ME1: variants seen among roughly 807,000 people sequenced by gnomAD.
The protein encoded by ME1 is malic enzyme 1, also known as NADP-dependent malic enzyme.
A neutral mutation model predicts 66.4 loss-of-function variants in ME1; 74 were observed. That is an observed-to-expected ratio of 1.11 (90% CI 0.92 to 1.35). ME1 has a LOEUF of 1.35. Among genes scored for constraint, ME1 ranks in the 40% most tolerant of loss-of-function variants. The pLI is 0.00. For missense variants in ME1, 750 were observed against 694.1 expected, an observed-to-expected ratio of 1.08 and a Z score of -0.90; for synonymous variants, 251 against 235.6, an observed-to-expected ratio of 1.07 and a Z score of -0.60.
chr6:83,223,721 A>AT, intron 12 of ME1, 39 bp downstream of exon 12: 1 of 1,588,864 alleles, frequency 6.3e-7, no homozygotes, highest in Non-Finnish European at 8.6e-7. Flanking sequence ...CACACTTGGT[A>AT]TTTTAAACCC....
intron 4 of ME1, among the ~76,000 whole-genome samples, chr6:83,347,371 G>A (rs1312545332): frequency 6.6e-6 from 1 of 152,140 alleles, no homozygotes; most frequent in Non-Finnish European, 1.5e-5. Context: ...ATTCATGTCA[G>A]TTATATGAAT....
At chr6:83,396,358 CAAT>C (rs1290796207) in intron 3 of ME1, among the ~76,000 whole-genome samples, 1 of 151,698 alleles carries the variant, frequency 6.6e-6, no homozygotes, top group Non-Finnish European at 1.5e-5. Flanking sequence ...TGTCTCAAAA[CAAT>C]AATAATAATA....
intron 11 of ME1, among the ~76,000 whole-genome samples, chr6:83,224,701 A>AT (rs1790156075): frequency 1.7e-5 from 2 of 120,310 alleles, no homozygotes; most frequent in South Asian, 2.6e-4. Flanking sequence ...AAAAAAATAA[A>AT]AATAATAATA....
intron 6 of ME1, among the ~76,000 whole-genome samples, chr6:83,286,278 T>C (rs1053488743): frequency 6.6e-6 from 1 of 152,184 alleles, no homozygotes; most frequent in African/African-American, 2.4e-5. Context: ...ATAAAAATAA[T>C]TTAAAGCATT....
At chr6:83,308,367 GT>G (rs1364177151) in intron 6 of ME1, among the ~76,000 whole-genome samples, 2 of 151,096 alleles carry the variant, frequency 1.3e-5, no homozygotes, top group Non-Finnish European at 2.9e-5. Context: ...TAAAGCTTTT[GT>G]TCTCATTTAG....
At chr6:83,393,695 T>C (rs890662537) in intron 3 of ME1, among the ~76,000 whole-genome samples, 2 of 152,168 alleles carry the variant, frequency 1.3e-5, no homozygotes, top group Admixed American at 1.3e-4. Flanking sequence ...ACATTTATCA[T>C]TGTTAGTACT....
intron 3 of ME1, among the ~76,000 whole-genome samples, chr6:83,397,856 G>A (rs1439173812): frequency 6.6e-6 from 1 of 152,138 alleles, no homozygotes; most frequent in African/African-American, 2.4e-5. Context: ...AGGATATTAC[G>A]TTAAGTGAAA....
At chr6:83,253,843 A>G (rs1790762700) in intron 6 of ME1, 105 bp from the exon 7 acceptor site, 1 of 607,402 alleles carries the variant, frequency 1.6e-6, no homozygotes, top group Admixed American at 2.7e-5. Flanking sequence ...TTTCCTTTTA[A>G]AGGTTCTATC....
intron 6 of ME1, among the ~76,000 whole-genome samples, chr6:83,271,183 T>C (rs1392691827): frequency 1.3e-5 from 2 of 152,172 alleles, no homozygotes; most frequent in East Asian, 1.9e-4. Flanking sequence ...ACTAACTCTT[T>C]TCAAAGATAG....
intron 2 of ME1, among the ~76,000 whole-genome samples, chr6:83,405,722 G>GT (rs1245020714): frequency 0.033 from 4,184 of 126,164 alleles, 261 homozygotes; most frequent in African/African-American, 0.1. Context: ...TGTTGTTGTT[G>GT]TTTTTTTTTT....
At chr6:83,277,613 G>A (rs1767207215) in intron 6 of ME1, among the ~76,000 whole-genome samples, 1 of 152,056 alleles carries the variant, frequency 6.6e-6, no homozygotes, top group Non-Finnish European at 1.5e-5. Context: ...ACAAAAATAA[G>A]ATTTGGGGCC....
chr6:83,418,754 T>G (rs1770208073), intron 1 of ME1, among the ~76,000 whole-genome samples: 1 of 152,106 alleles, frequency 6.6e-6, no homozygotes, highest in South Asian at 2.1e-4. Flanking sequence ...GCTTACAATA[T>G]AAAGAGCTTA....
chr6:83,222,166 C>T (rs1232113615), intron 12 of ME1, among the ~76,000 whole-genome samples: 1 of 152,184 alleles, frequency 6.6e-6, no homozygotes, highest in Non-Finnish European at 1.5e-5. Flanking sequence ...ACAATGATTA[C>T]ATTTTCCTTA....
At chr6:83,414,173 C>T (rs941216222) in intron 1 of ME1, among the ~76,000 whole-genome samples, 1 of 150,526 alleles carries the variant, frequency 6.6e-6, no homozygotes, top group African/African-American at 2.4e-5. Context: ...ACCTCATTTC[C>T]CCCCCAAAAA....
chr6:83,321,260 GT>G (rs1023663075), intron 5 of ME1, among the ~76,000 whole-genome samples: 4 of 152,016 alleles, frequency 2.6e-5, no homozygotes, highest in Admixed American at 6.6e-5. Context: ...AGCTGCAGGA[GT>G]TTTTTTTCCA....
In ME1 at chr6:83,398,384, C is replaced by T. The variant is rs539171089; in HGVS notation, c.345G>A (p.Leu115=). The change falls in exon 3 of 14, where the codon TTG becomes TTA. Residue 115 remains leucine (L), a synonymous_variant. Coordinates refer to ENST00000369705, the MANE Select transcript of ME1 (RefSeq NM_002395.6). ...TGACATACCTTGGCTTCCGAAACACCAAACTATATTGTTGGCAAGCCAGAC... is the reference window on the plus strand; with the variant it reads ...TGACATACCTTGGCTTCCGAAACACTAAACTATATTGTTGGCAAGCCAGAC... ...TVGLACQQYS[L]VFRKPRGLFI... 2 of 1,577,738 alleles carry T rather than the reference C, an allele frequency of 1.3e-6. No homozygotes were observed. Among genetic ancestry groups the T allele is most frequent in the Admixed American group, 1.9e-5 (1 of 52,486 alleles).
intron 6 of ME1, among the ~76,000 whole-genome samples, chr6:83,300,973 A>G (rs1356679257): frequency 1.3e-5 from 2 of 152,026 alleles, no homozygotes; most frequent in African/African-American, 4.8e-5. Flanking sequence ...GCGTGTTCTC[A>G]CTCATAGGTA....
intron 3 of ME1, among the ~76,000 whole-genome samples, chr6:83,361,878 A>C (rs1331973777): frequency 6.6e-6 from 1 of 152,186 alleles, no homozygotes; most frequent in Admixed American, 6.5e-5. Context: ...TCCTGAAGGC[A>C]CAAGTAAGTT....
In ME1 at chr6:83,315,430, C is replaced by A. The variant is rs773260925; in HGVS notation, c.601-17G>T. 1 of 1,416,486 alleles carries A rather than the reference C, an allele frequency of 7.1e-7. No homozygotes were observed. Among genetic ancestry groups the A allele is most frequent in the Admixed American group, 1.9e-5 (1 of 52,088 alleles). The allele number at this position is 1,416,486 out of a possible 1,614,324, so 87.7% of individuals were successfully genotyped here. ...AAGTAACTCCTATTAAAAAAAGTTA[C>A]CATAAAAATAGAAATAACTATAACC... On this transcript the variant is annotated splice_polypyrimidine_tract_variant and intron_variant, in intron 5 of 13. Transcript: ENST00000369705.
Sources: gnomAD v4.1 joint callset for allele counts (sites outside exome capture counted in the v4.1 genomes callset) on GRCh38, gnomAD v4.1.1 for gene constraint, MANE v1.5 for transcripts, NCBI Gene and HGNC (gene_info 2026-07-23, HGNC 2026-07-21) for gene names.